The following KIRREL3 variants were observed in gnomAD, a reference collection of about 807,000 sequenced individuals.
KIRREL3 encodes the protein kin of IRRE-like protein 3.
In KIRREL3, 36 loss-of-function variants were observed where a neutral mutation model predicts 89.7. That is an observed-to-expected ratio of 0.40 (90% CI 0.31 to 0.53). The LOEUF (loss-of-function observed/expected upper bound fraction) is 0.53, where lower values mean the gene tolerates loss of function less well. Ranked by LOEUF, KIRREL3 falls within the 20% of genes least tolerant of loss-of-function variation. KIRREL3 has a pLI of 0.49. For missense variants in KIRREL3, 864 were observed against 1,056.6 expected (o/e 0.82, Z 2.53); for synonymous variants, 445 against 441.4 (o/e 1.01, Z -0.10).
intron 2 of KIRREL3, among the ~76,000 whole-genome samples, chr11:126,548,741 C>T (rs184364396): frequency 7.2e-5 from 11 of 152,350 alleles, no homozygotes; most frequent in African/African-American, 2.2e-4. Flanking sequence ...TCTGCGTACA[C>T]AGTGGGTGCT....
rs1198264884 is a variant in KIRREL3 at position 126,435,263 on chromosome 11, C to A, written c.1588+5G>T. On this transcript the variant is annotated splice_donor_5th_base_variant and intron_variant, in intron 13 of 16. Transcript: ENST00000525144. Reference sequence around the variant, plus strand: ...CAGGGCCATTCTCATCATCTCCTTCCGTACCTGCTTCCAGCCCGGCTCCCG... The same window carrying A: ...CAGGGCCATTCTCATCATCTCCTTCAGTACCTGCTTCCAGCCCGGCTCCCG... 1 of 1,613,758 alleles carries A rather than the reference C, an allele frequency of 6.2e-7. No individual in the cohort carries two copies. Among genetic ancestry groups the A allele is most frequent in the Non-Finnish European group, 8.5e-7 (1 of 1,179,792 alleles).
At position 126,698,459 on chromosome 11, in the gene KIRREL3, C is replaced by T. The variant is rs558875737; in HGVS notation, c.56-135547G>A. On this transcript the variant is annotated intron_variant, in intron 1 of 16. Transcript: ENST00000525144. ...CTCCACCTTGGGTGTTCTCATCTGC[C>T]GGCTTGTCTTAGTAGGTCAGCTCTG... 4.6e-5 allele frequency among the ~76,000 whole-genome samples: 7 copies of T among 152,284 alleles called. No homozygotes were observed. In the South Asian group the frequency reaches 6.2e-4, roughly 14 times the overall value.
At chr11:126,813,419 C>T (rs2134430329) in intron 1 of KIRREL3, among the ~76,000 whole-genome samples, 1 of 152,234 alleles carries the variant, frequency 6.6e-6, no homozygotes, top group East Asian at 1.9e-4. Context: ...TCACTAAGCT[C>T]CTTATCACAC....
At chr11:126,481,049 A>T (rs939806740) in intron 4 of KIRREL3, among the ~76,000 whole-genome samples, 3 of 152,206 alleles carry the variant, frequency 2.0e-5, no homozygotes, top group Non-Finnish European at 4.4e-5. Context: ...ACTATACGCC[A>T]GGCCCTTTCT....
Position 126,569,711 on chromosome 11 carries a change from A to G in KIRREL3, c.56-6799T>C, listed in dbSNP as rs1245912737. Among the ~76,000 whole-genome samples, 1 of 152,186 alleles carries G rather than the reference A, an allele frequency of 6.6e-6. No homozygotes were observed. Among genetic ancestry groups the G allele is most frequent in the Admixed American group, 6.5e-5 (1 of 15,280 alleles). Reference sequence around the variant, plus strand: ...CTGCAGGAGTCCCCAGGAGGAAAAGACAGCTTCAGGCTGTGGGATGGTGAG... The same window carrying G: ...CTGCAGGAGTCCCCAGGAGGAAAAGGCAGCTTCAGGCTGTGGGATGGTGAG... On this transcript the variant is annotated intron_variant, in intron 1 of 16. Transcript: ENST00000525144. This position sits in a 1 kb window ranked among gnomAD's most constrained non-coding sequence, Gnocchi z 6.5.
At chr11:126,603,196 G>A (rs182632358) in intron 1 of KIRREL3, among the ~76,000 whole-genome samples, 49 of 152,342 alleles carry the variant, frequency 3.2e-4, no homozygotes, top group African/African-American at 1.2e-3. Flanking sequence ...AGGATCCCAG[G>A]ACTCCCTGTT....
chr11:126,728,333 G>C (rs906597297), intron 1 of KIRREL3, among the ~76,000 whole-genome samples: 1 of 152,190 alleles, frequency 6.6e-6, no homozygotes, highest in African/African-American at 2.4e-5. Context: ...CTGGGGCTCA[G>C]TGTTCTCCCG....
intron 4 of KIRREL3, 30 bp from the exon 5 acceptor site, chr11:126,473,496 C>T (rs767906180): frequency 2.4e-5 from 36 of 1,506,662 alleles, no homozygotes; most frequent in African/African-American, 9.6e-5. Flanking sequence ...GAGGTCAGGC[C>T]GAGGCTCCCA....
chr11:126,923,263 T>TCTTCTC lies in KIRREL3; in HGVS notation c.55+77186_55+77191dup, dbSNP rs1439644782. On this transcript the variant is annotated intron_variant, in intron 1 of 16. Transcript: ENST00000525144. The stretch of plus-strand genomic sequence containing the variant: ...TTCTTCTTCTTCTTCTTCTTCTTCT[T>TCTTCTC]CTTCTCCTTCTCCTTCTCCTTCTCC... Among the ~76,000 whole-genome samples, 245 of 56,626 alleles carry TCTTCTC rather than the reference T, an allele frequency of 4.3e-3. 19 individuals carry two copies. The highest frequency in any genetic ancestry group is 6.4e-3 in the Non-Finnish European group (191 of 29,756). The allele number at this position is 56,626 out of a possible 152,430, so 37.1% of individuals were successfully genotyped here. A position where few individuals can be genotyped will look rare whatever the true frequency, so the allele number is the denominator to read the frequency against.
Position 126,715,794 on chromosome 11 carries a change from C to T in KIRREL3, c.56-152882G>A, listed in dbSNP as rs1947932547. On this transcript the variant is annotated intron_variant, in intron 1 of 16. Transcript: ENST00000525144. The surrounding 1 kb of genome is among the most constrained non-coding windows in gnomAD (Gnocchi z 4.4). ...AGACAGAGAATGTTCAAACACCATC[C>T]ACGATGAACACGGTTGCAGAGAGGC... Among the ~76,000 whole-genome samples the T allele has an allele frequency of 1.3e-5, 2 of 152,154 alleles. No homozygotes were observed. Among genetic ancestry groups the T allele is most frequent in the Non-Finnish European group, 1.5e-5 (1 of 68,032 alleles).
intron 1 of KIRREL3, among the ~76,000 whole-genome samples, chr11:126,816,010 T>G (rs1381800936): frequency 1.3e-5 from 2 of 152,252 alleles, no homozygotes; most frequent in Non-Finnish European, 2.9e-5. Context: ...TTAGTGTGTC[T>G]TTTGAATATT....
chr11:126,597,383 G>A (rs540804812), intron 1 of KIRREL3, among the ~76,000 whole-genome samples: 28 of 152,354 alleles, frequency 1.8e-4, no homozygotes, highest in African/African-American at 6.5e-4. Flanking sequence ...GCCAAGTTTA[G>A]TTTTTAATTA....
rs573526675 is a variant in KIRREL3, at chr11:126,974,643, A to T, written c.55+25812T>A. Among the ~76,000 whole-genome samples, 551 of 149,976 alleles carry T rather than the reference A, an allele frequency of 3.7e-3. 3 individuals carry two copies. Among genetic ancestry groups the T allele is most frequent in the African/African-American group, 0.013 (520 of 40,524 alleles). On this transcript the variant is annotated intron_variant, in intron 1 of 16. Transcript: ENST00000525144. The stretch of plus-strand genomic sequence containing the variant: ...ATAGCCCGTTACACACCTAGGCTAC[A>T]TGGTATAGCCTGTTACACACCTAGG...
At chr11:126,937,061 C>T (rs1474007504) in intron 1 of KIRREL3, 1 of 152,132 alleles carries the variant, frequency 6.6e-6, no homozygotes, top group Non-Finnish European at 1.5e-5. Flanking sequence ...GGAATACCTC[C>T]TGCTGTTGTT....
chr11:126,439,537 C>G (rs1051181211), intron 11 of KIRREL3, among the ~76,000 whole-genome samples: 1 of 150,196 alleles, frequency 6.7e-6, no homozygotes, highest in Admixed American at 6.6e-5. Flanking sequence ...CAGATACTGG[C>G]TGGGCATGGT....
Position 126,697,760 on chromosome 11 carries a change from A to G in KIRREL3, c.56-134848T>C, listed in dbSNP as rs774329086. On this transcript the variant is annotated intron_variant, in intron 1 of 16. Transcript: ENST00000525144. This position sits in a 1 kb window ranked among gnomAD's most constrained non-coding sequence, Gnocchi z 4.2. ...CCGGGGCCTCCGGGTGGGTCCCATG[A>G]TTGCTCTGATCACCTCCCTATTATT... Among the ~76,000 whole-genome samples the G allele has an allele frequency of 6.6e-6, 1 of 152,180 alleles. No homozygotes were observed. The highest frequency in any genetic ancestry group is 2.4e-5 in the African/African-American group (1 of 41,434).
chr11:126,499,211 G>A (rs1046404045), intron 4 of KIRREL3, among the ~76,000 whole-genome samples: 1 of 150,582 alleles, frequency 6.6e-6, no homozygotes, highest in African/African-American at 2.4e-5. Flanking sequence ...TGCTGGAATC[G>A]TCATTGCATT....
chr11:126,542,520 TA>T (rs1479162108), intron 2 of KIRREL3, among the ~76,000 whole-genome samples: 3 of 152,066 alleles, frequency 2.0e-5, no homozygotes, highest in Admixed American at 6.6e-5. Flanking sequence ...TTTTCATACT[TA>T]AAAAAAACAC....
Position 126,527,119 on chromosome 11 carries a change from G to A in KIRREL3, c.134-432C>T, listed in dbSNP as rs966937930. 5.3e-5 allele frequency among the ~76,000 whole-genome samples: 8 copies of A among 152,222 alleles called. No homozygotes were observed. The highest frequency in any genetic ancestry group is 5.9e-5 in the Non-Finnish European group (4 of 68,044). Reference sequence around the variant, plus strand: ...TCTGTGGTGGCTGTGTGTTAAGAAGGGGGTCGATGGAGAGTGGTGCGGCTT... The same window carrying A: ...TCTGTGGTGGCTGTGTGTTAAGAAGAGGGTCGATGGAGAGTGGTGCGGCTT... On this transcript the variant is annotated intron_variant, in intron 2 of 16. Coordinates refer to ENST00000525144, the MANE Select transcript of KIRREL3 (RefSeq NM_032531.4). This position sits in a 1 kb window ranked among gnomAD's most constrained non-coding sequence, Gnocchi z 4.2.
Sources: allele counts gnomAD v4.1 joint callset (sites outside exome capture counted in the v4.1 genomes callset), GRCh38; gene constraint gnomAD v4.1.1; non-coding constraint Gnocchi (gnomAD v3.1); transcripts MANE v1.5; gene names NCBI Gene and HGNC (gene_info 2026-07-23, HGNC 2026-07-21).